The following DLGAP2 variants were observed in gnomAD, a reference collection of about 807,000 sequenced individuals.
DLGAP2 encodes the protein disks large-associated protein 2.
In DLGAP2, 26 loss-of-function variants were observed where a neutral mutation model predicts 100.3. The ratio of observed to expected loss-of-function variants is 0.26; its 90% CI spans 0.19 to 0.36. The LOEUF (loss-of-function observed/expected upper bound fraction) is 0.36. Among genes scored for constraint, DLGAP2 ranks in the 10% least tolerant of loss-of-function variants. The pLI is 1.00. For missense variants in DLGAP2, 1,858 were observed against 1,453.2 expected, an observed-to-expected ratio of 1.28 and a Z score of -4.53; for synonymous variants, 886 against 630.1, an observed-to-expected ratio of 1.41 and a Z score of -6.08.
At chr8:1,298,585 G>A (rs552452075) in intron 3 of DLGAP2, among the ~76,000 whole-genome samples, 5 of 152,110 alleles carry the variant, frequency 3.3e-5, no homozygotes, top group East Asian at 1.9e-4. Context: ...TAGGTACCTC[G>A]GCCACAGTCC....
At chr8:1,303,273 T>A (rs1563072003) in intron 3 of DLGAP2, among the ~76,000 whole-genome samples, 1 of 152,010 alleles carries the variant, frequency 6.6e-6, no homozygotes. Context: ...GGCGGGCGCC[T>A]GTAGTCCCAG....
chr8:849,802 G>A (rs2128987416), intron 1 of DLGAP2, among the ~76,000 whole-genome samples: 1 of 152,254 alleles, frequency 6.6e-6, no homozygotes, highest in South Asian at 2.1e-4. Flanking sequence ...GGTTGCCCGG[G>A]CACGGTGGCT....
intron 2 of DLGAP2, among the ~76,000 whole-genome samples, chr8:1,043,476 A>G (rs954055136): frequency 2.9e-4 from 44 of 151,482 alleles, no homozygotes; most frequent in African/African-American, 1.0e-3. Context: ...TAGGTGGTGG[A>G]TGTGTCTACC....
intron 2 of DLGAP2, among the ~76,000 whole-genome samples, chr8:1,176,482 G>C (rs567979378): frequency 1.4e-3 from 219 of 152,334 alleles, no homozygotes; most frequent in African/African-American, 5.1e-3. Flanking sequence ...GTAGTCACGA[G>C]CATTACAGCC....
At chr8:1,528,483 C>G (rs1800871094) in intron 4 of DLGAP2, among the ~76,000 whole-genome samples, 1 of 152,226 alleles carries the variant, frequency 6.6e-6, no homozygotes, top group African/African-American at 2.4e-5. Flanking sequence ...AGGGCGGTGC[C>G]TCCACCAGGA....
chr8:1,096,033 T>C (rs1386807909), intron 2 of DLGAP2, among the ~76,000 whole-genome samples: 1 of 152,146 alleles, frequency 6.6e-6, no homozygotes, highest in Non-Finnish European at 1.5e-5. Flanking sequence ...ATGAAGAAAA[T>C]ATTCAGTGTA....
intron 3 of DLGAP2, among the ~76,000 whole-genome samples, chr8:1,460,290 G>A (rs886698905): frequency 2.0e-5 from 3 of 152,210 alleles, no homozygotes; most frequent in African/African-American, 7.2e-5. Flanking sequence ...TCGAACTTGT[G>A]TCTTATGACT....
chr8:1,127,722 C>A (rs994301748), intron 2 of DLGAP2, among the ~76,000 whole-genome samples: 1 of 152,192 alleles, frequency 6.6e-6, no homozygotes, highest in Non-Finnish European at 1.5e-5. Context: ...TTGGAAACTG[C>A]AGCTTTCAAG....
intron 12 of DLGAP2, among the ~76,000 whole-genome samples, chr8:1,681,353 C>T (rs1798939751): frequency 6.6e-6 from 1 of 152,040 alleles, no homozygotes; most frequent in South Asian, 2.1e-4. Context: ...GAATCCTCAG[C>T]TGGGCACAGT....
At chr8:1,616,501 G>A (rs138017064) in intron 6 of DLGAP2, among the ~76,000 whole-genome samples, 1 of 152,116 alleles carries the variant, frequency 6.6e-6, no homozygotes, top group Non-Finnish European at 1.5e-5. Context: ...ACCAAGGAAG[G>A]GGTCAAACAG....
intron 3 of DLGAP2, among the ~76,000 whole-genome samples, chr8:1,329,800 A>G (rs1342239226): frequency 4.6e-5 from 7 of 152,202 alleles, no homozygotes; most frequent in African/African-American, 7.2e-5. Context: ...TGTGAGCCCT[A>G]TCAAACTGGG....
chr8:751,363 G>A (rs1218833311), intron 1 of DLGAP2, among the ~76,000 whole-genome samples: 2 of 152,268 alleles, frequency 1.3e-5, no homozygotes, highest in Non-Finnish European at 2.9e-5. Flanking sequence ...TCGTGGAAAG[G>A]AGCGTTTTCC....
At chr8:757,089 C>A (rs1438870564) in intron 1 of DLGAP2, among the ~76,000 whole-genome samples, 1 of 152,172 alleles carries the variant, frequency 6.6e-6, no homozygotes, top group Non-Finnish European at 1.5e-5. Flanking sequence ...TGCACCCCCA[C>A]CTGGAATACT....
intron 2 of DLGAP2, among the ~76,000 whole-genome samples, chr8:938,132 A>T (rs1302632437): frequency 6.6e-6 from 1 of 152,100 alleles, no homozygotes; most frequent in African/African-American, 2.4e-5. Flanking sequence ...TGAGCTGCGG[A>T]TCTCACACGA....
At chr8:1,519,528 G>A (rs749270706) in intron 4 of DLGAP2, among the ~76,000 whole-genome samples, 7 of 152,338 alleles carry the variant, frequency 4.6e-5, no homozygotes, top group African/African-American at 7.2e-5. Flanking sequence ...AGAGACTTTC[G>A]TTAGAGAGGC....
intron 2 of DLGAP2, among the ~76,000 whole-genome samples, chr8:1,252,126 C>G (rs1239819554): frequency 2.7e-5 from 4 of 149,506 alleles, no homozygotes. Flanking sequence ...TGTCATGTCA[C>G]ACTTGCCACA....
chr8:1,570,540 G>T (rs1380183418), intron 6 of DLGAP2, among the ~76,000 whole-genome samples: 1 of 152,256 alleles, frequency 6.6e-6, no homozygotes, highest in Non-Finnish European at 1.5e-5. Context: ...CTTTGAGAAG[G>T]CTCAGTTGGA....
intron 3 of DLGAP2, among the ~76,000 whole-genome samples, chr8:1,415,303 G>C (rs1398450178): frequency 6.6e-6 from 1 of 152,112 alleles, no homozygotes; most frequent in Non-Finnish European, 1.5e-5. Flanking sequence ...CTGATTTAAA[G>C]GCTAATTTTT....
intron 4 of DLGAP2, among the ~76,000 whole-genome samples, chr8:1,516,887 A>G (rs1019720990): frequency 6.6e-6 from 1 of 152,204 alleles, no homozygotes; most frequent in Non-Finnish European, 1.5e-5. Flanking sequence ...CTACAGCTTC[A>G]AGAGGATGAG....
Sources: gnomAD v4.1 joint callset for allele counts (sites outside exome capture counted in the v4.1 genomes callset) on GRCh38, gnomAD v4.1.1 for gene constraint, MANE v1.5 for transcripts, NCBI Gene and HGNC (gene_info 2026-07-23, HGNC 2026-07-21) for gene names.